Variants in MTHFD1 observed in about 807,000 individuals in gnomAD.
MTHFD1 encodes the protein methylenetetrahydrofolate dehydrogenase, cyclohydrolase and formyltetrahydrofolate synthetase 1, also known as C-1-tetrahydrofolate synthase, cytoplasmic.
A neutral mutation model predicts 110.3 loss-of-function variants in MTHFD1; 44 were observed. The ratio of observed to expected loss-of-function variants is 0.40; its 90% CI spans 0.31 to 0.51. The LOEUF is 0.51. Among genes scored for constraint, MTHFD1 ranks in the 20% least tolerant of loss-of-function variants. MTHFD1 has a pLI of 0.60. For missense variants in MTHFD1, 909 were observed against 1,173.1 expected (o/e 0.77, Z 3.29); for synonymous variants, 402 against 428.8 (o/e 0.94, Z 0.77).
At chr14:64,426,314 G>A (rs959284470) in intron 11 of MTHFD1, 122 bp downstream of exon 11, 45 of 1,102,194 alleles carry the variant, frequency 4.1e-5, no homozygotes, top group African/African-American at 1.9e-4. Context: ...ATTTTCACCC[G>A]TATTTGATCT....
intron 12 of MTHFD1, among the ~76,000 whole-genome samples, chr14:64,429,392 A>G (rs750475976): frequency 1.3e-5 from 2 of 151,550 alleles, no homozygotes; most frequent in Non-Finnish European, 2.9e-5. Flanking sequence ...GTGCAGTGGC[A>G]TGATCATAAC....
At chr14:64,409,072 G>A (rs2077961720) in intron 2 of MTHFD1, among the ~76,000 whole-genome samples, 1 of 152,064 alleles carries the variant, frequency 6.6e-6, no homozygotes. Flanking sequence ...TTTCTTTCTG[G>A]AACTGGTTGT....
intron 2 of MTHFD1, among the ~76,000 whole-genome samples, chr14:64,405,050 A>G (rs2077926457): frequency 6.6e-6 from 1 of 152,048 alleles, no homozygotes; most frequent in Non-Finnish European, 1.5e-5. Context: ...CTGAGAAGAA[A>G]AGCACAGAAG....
chr14:64,396,900 C>G (rs1309214303), intron 1 of MTHFD1, among the ~76,000 whole-genome samples: 6 of 147,000 alleles, frequency 4.1e-5, no homozygotes, highest in African/African-American at 1.5e-4. Flanking sequence ...GTCAGGAGAT[C>G]GAGACCATCT....
intron 1 of MTHFD1, among the ~76,000 whole-genome samples, chr14:64,397,638 T>G (rs2077868736): frequency 6.6e-6 from 1 of 152,186 alleles, no homozygotes; most frequent in Non-Finnish European, 1.5e-5. Context: ...TCTTCTCTGA[T>G]CAGTTACTAA....
chr14:64,455,731 A>G (rs577080520), intron 26 of MTHFD1, among the ~76,000 whole-genome samples: 3 of 152,372 alleles, frequency 2.0e-5, no homozygotes, highest in African/African-American at 7.2e-5. Flanking sequence ...GTGGCATTAT[A>G]GAGTTGAAAA....
At chr14:64,408,311 G>A (rs1490267324) in intron 2 of MTHFD1, among the ~76,000 whole-genome samples, 1 of 126,112 alleles carries the variant, frequency 7.9e-6, no homozygotes, top group African/African-American at 2.9e-5. Context: ...TTTTTGAGAT[G>A]GAGTTTCACT....
At chr14:64,431,223 A>G (rs1410335853) in intron 13 of MTHFD1, among the ~76,000 whole-genome samples, 3 of 151,142 alleles carry the variant, frequency 2.0e-5, no homozygotes, top group Non-Finnish European at 4.4e-5. Flanking sequence ...GCACTACCAC[A>G]CTTGGCTACT....
intron 19 of MTHFD1, 143 bp downstream of exon 19, chr14:64,441,596 G>T: frequency 1.4e-6 from 1 of 711,482 alleles, no homozygotes; most frequent in Non-Finnish European, 2.5e-6. Context: ...CACAAGGTCA[G>T]GAGATCGAGA....
chr14:64,440,452 A>G (rs2078238951), intron 18 of MTHFD1, 186 bp downstream of exon 18: 1 of 724,282 alleles, frequency 1.4e-6, no homozygotes, highest in Non-Finnish European at 2.4e-6. Context: ...AGAGTGAATA[A>G]TAGCTGGTAT....
intron 2 of MTHFD1, among the ~76,000 whole-genome samples, chr14:64,407,566 T>C (rs1361309884): frequency 7.1e-6 from 1 of 140,772 alleles, no homozygotes; most frequent in African/African-American, 2.7e-5. Context: ...TTTTTTTGAG[T>C]CAGAATCTTG....
chr14:64,430,810 A>AAC (rs2078152319), intron 13 of MTHFD1, among the ~76,000 whole-genome samples: 1 of 152,220 alleles, frequency 6.6e-6, no homozygotes, highest in East Asian at 1.9e-4. Context: ...GGGAAGCACC[A>AAC]ACACACAGCG....
chr14:64,438,095 A>T (rs1216274142), intron 16 of MTHFD1, among the ~76,000 whole-genome samples: 1 of 152,130 alleles, frequency 6.6e-6, no homozygotes, highest in Middle Eastern at 3.2e-3. Flanking sequence ...CTGGCCTCGA[A>T]CTTTTGACCT....
intron 8 of MTHFD1, among the ~76,000 whole-genome samples, chr14:64,423,904 T>C (rs955406482): frequency 3.3e-5 from 5 of 152,052 alleles, no homozygotes; most frequent in Admixed American, 2.6e-4. Flanking sequence ...TTTTTTTGTA[T>C]TTTTAGCAGA....
chr14:64,434,341 A>C (rs1596548857), intron 15 of MTHFD1, among the ~76,000 whole-genome samples: 1 of 152,114 alleles, frequency 6.6e-6, no homozygotes, highest in East Asian at 1.9e-4. Flanking sequence ...ACTTGAGCCC[A>C]GCAGTTCGAG....
intron 21 of MTHFD1, 35 bp downstream of exon 21, chr14:64,442,437 G>A (rs1304698063): frequency 6.2e-7 from 1 of 1,608,368 alleles, no homozygotes; most frequent in African/African-American, 1.3e-5. Context: ...ATTATCGGCA[G>A]TGTGCTGACG....
chr14:64,389,405 CAA>C (rs2077787253), intron 1 of MTHFD1, among the ~76,000 whole-genome samples: 1 of 152,148 alleles, frequency 6.6e-6, no homozygotes, highest in Non-Finnish European at 1.5e-5. Flanking sequence ...GAGTGAATTA[CAA>C]AGTCATCGGT....
intron 18 of MTHFD1, 155 bp downstream of exon 18, chr14:64,440,421 G>A: frequency 1.1e-6 from 1 of 938,308 alleles, no homozygotes; most frequent in South Asian, 1.4e-5. Flanking sequence ...AGATAATTAT[G>A]AAATGTTTAA....
intron 17 of MTHFD1, 47 bp downstream of exon 17, chr14:64,439,219 T>A: frequency 7.5e-7 from 1 of 1,337,732 alleles, no homozygotes; most frequent in Non-Finnish European, 1.1e-6. Flanking sequence ...AGGCACTAGA[T>A]CTTGCTGCTT....
Sources: allele counts gnomAD v4.1 joint callset (sites outside exome capture counted in the v4.1 genomes callset), GRCh38; gene constraint gnomAD v4.1.1; transcripts MANE v1.5; gene names NCBI Gene and HGNC (gene_info 2026-07-23, HGNC 2026-07-21).